Variants in FAM149A observed in about 807,000 individuals in gnomAD.
FAM149A encodes the protein family with sequence similarity 149 member A.
A neutral mutation model predicts 78.2 loss-of-function variants in FAM149A; 71 were observed. The observed-to-expected ratio is 0.91, with a 90% CI of 0.75 to 1.11. The LOEUF is 1.11. FAM149A is among the 50% of genes least tolerant of loss of function. FAM149A has a pLI of 0.00. For missense variants in FAM149A, 1,036 were observed against 971.0 expected (o/e 1.07, Z -0.89); for synonymous variants, 446 against 410.5 (o/e 1.09, Z -1.04).
intron 1 of FAM149A, chr4:186,117,415 T>A: frequency 1.0e-6 from 1 of 983,254 alleles, no homozygotes. Flanking sequence ...GATCCAAGAG[T>A]GGTTTCAGAC....
At chr4:186,125,353 A>G (rs991911940) in intron 1 of FAM149A, 188 of 984,526 alleles carry the variant, frequency 1.9e-4, no homozygotes, top group Admixed American at 3.1e-4. Flanking sequence ...TGCTACACCC[A>G]CATCCCCTGC....
At chr4:186,158,263 C>T in intron 8 of FAM149A, 1 of 1,235,962 alleles carries the variant, frequency 8.1e-7, no homozygotes. Flanking sequence ...GTCTGCTGGT[C>T]CCAGGCGACC....
intron 1 of FAM149A, chr4:186,127,064 G>A (rs1003000825): frequency 1.0e-6 from 1 of 985,252 alleles, no homozygotes; most frequent in African/African-American, 1.7e-5. Flanking sequence ...TACTTCACAG[G>A]CAGAAGTAGT....
intron 10 of FAM149A, 147 bp downstream of exon 10, chr4:186,163,780 T>G: frequency 3.0e-6 from 2 of 661,910 alleles, no homozygotes; most frequent in South Asian, 3.7e-5. Flanking sequence ...CATTTAACAT[T>G]CCGCTTGCTC....
chr4:186,142,619 A>G (rs2099326313), intron 1 of FAM149A, among the ~76,000 whole-genome samples: 1 of 152,126 alleles, frequency 6.6e-6, no homozygotes, highest in South Asian at 2.1e-4. Flanking sequence ...TTGGAGCCCT[A>G]AGCTGCCACG....
chr4:186,136,960 C>CTT (rs2099323163), intron 1 of FAM149A, among the ~76,000 whole-genome samples: 6 of 102,670 alleles, frequency 5.8e-5, no homozygotes, highest in South Asian at 3.3e-4. Flanking sequence ...CTCTCTCTCT[C>CTT]TCTTTCTCTC....
At chr4:186,165,197 C>T (rs1734933114) in intron 10 of FAM149A, 147 bp from the exon 11 acceptor site, 1 of 787,698 alleles carries the variant, frequency 1.3e-6, no homozygotes, top group South Asian at 1.7e-5. Flanking sequence ...TGGGGAGCAT[C>T]CGGATAATAC....
chr4:186,120,162 G>GTCTA (rs1411134683), intron 1 of FAM149A, among the ~76,000 whole-genome samples: 20 of 152,264 alleles, frequency 1.3e-4, no homozygotes, highest in Admixed American at 9.8e-4. Context: ...GTATTTCAGG[G>GTCTA]TCTACTAGAC....
intron 11 of FAM149A, among the ~76,000 whole-genome samples, chr4:186,166,755 A>G (rs934517803): frequency 1.3e-5 from 2 of 149,590 alleles, no homozygotes; most frequent in African/African-American, 2.5e-5. Flanking sequence ...CTCTTTCCCT[A>G]TTATGACACT....
chr4:186,126,135 A>G (rs1295958465), intron 1 of FAM149A: 12 of 979,746 alleles, frequency 1.2e-5, no homozygotes, highest in Non-Finnish European at 1.3e-5. Flanking sequence ...CATTAGTATC[A>G]TATCACTTGC....
At chr4:186,121,022 T>G (rs891742515) in intron 1 of FAM149A, among the ~76,000 whole-genome samples, 5 of 151,436 alleles carry the variant, frequency 3.3e-5, no homozygotes, top group African/African-American at 9.7e-5. Flanking sequence ...AATAATCCAT[T>G]TCAAAGTACA....
chr4:186,166,656 A>AT (rs1735051630), intron 11 of FAM149A, among the ~76,000 whole-genome samples: 1 of 148,196 alleles, frequency 6.7e-6, no homozygotes, highest in South Asian at 2.1e-4. Context: ...GTTTAAAAAA[A>AT]AAAAAAAAAA....
chr4:186,160,150 ACACTACACG>A (rs1734438195), intron 8 of FAM149A, among the ~76,000 whole-genome samples: 1 of 144,658 alleles, frequency 6.9e-6, no homozygotes, highest in Non-Finnish European at 1.5e-5. Context: ...CCACATACAC[ACACTACACG>A]CACACACACC....
intron 13 of FAM149A, among the ~76,000 whole-genome samples, chr4:186,170,588 C>T (rs1035845069): frequency 9.9e-5 from 15 of 152,202 alleles, no homozygotes; most frequent in African/African-American, 3.4e-4. Flanking sequence ...CCAAGGCACT[C>T]GGGACCAGCA....
In FAM149A at chr4:186,110,226, C is replaced by A. The variant is rs79741601; in HGVS notation, c.566+4584C>A. ...TCATGGGTTTCTAATCTTACAACAA[C>A]CCAGGGGCAGTTTAAATGTCTTTCT... On this transcript the variant is annotated intron_variant, in intron 1 of 13. Transcript: ENST00000389354. 1,681 of 985,256 alleles carry A rather than the reference C, an allele frequency of 1.7e-3. 20 individuals are homozygous for A. The African/African-American group carries it at 0.028, about 16-fold the overall frequency. The allele number at this position is 985,256 out of a possible 1,614,324, so 61.0% of individuals were successfully genotyped here.
rs1015535814 is a variant in FAM149A at position 186,144,712 on chromosome 4, G to A, written c.567-4461G>A. The A allele has an allele frequency of 2.9e-5, 16 of 560,652 alleles. No individual in the cohort carries two copies. The highest frequency in any genetic ancestry group is 3.3e-5 in the Non-Finnish European group (15 of 458,124). The allele number at this position is 560,652 out of a possible 1,614,324, so 34.7% of individuals were successfully genotyped here. On this transcript the variant is annotated intron_variant, in intron 1 of 13. Coordinates refer to ENST00000389354, the MANE Select transcript of FAM149A (RefSeq NM_001367768.3). The surrounding 1 kb of genome is among the most constrained non-coding windows in gnomAD (Gnocchi z 4.2). ...GGGAGCGGGGAAGGCGCGCTTTCCC[G>A]GAGGTCGGCGCGGGGCCGGGGCCGG...
chr4:186,163,667 C>G, intron 10 of FAM149A, 34 bp downstream of exon 10: 1 of 1,493,786 alleles, frequency 6.7e-7, no homozygotes, highest in Non-Finnish European at 9.3e-7. Context: ...AAACTAAAGG[C>G]CACGGAGGAC....
chr4:186,144,933 GGGCGCGGGC>G lies in FAM149A; in HGVS notation c.567-4238_567-4230del, dbSNP rs1354871749. 54 of 243,020 alleles carry G rather than the reference GGGCGCGGGC, an allele frequency of 2.2e-4. 1 individual carries two copies. The highest frequency in any genetic ancestry group is 2.4e-4 in the Non-Finnish European group (52 of 214,558). The allele number at this position is 243,020 out of a possible 1,614,324, so 15.1% of individuals were successfully genotyped here. A position where few individuals can be genotyped will look rare whatever the true frequency, so the allele number is the denominator to read the frequency against. Reference sequence around the variant, plus strand: ...GCTGGGCCAGCCGCGCGGCGGGCGCGGGCGCGGGCGCGGGCGCGGGCGCGGGCGGGTGGG... The same window carrying G: ...GCTGGGCCAGCCGCGCGGCGGGCGCGGCGGGCGCGGGCGCGGGCGGGTGGG... On this transcript the variant is annotated intron_variant, in intron 1 of 13. Coordinates refer to ENST00000389354, the MANE Select transcript of FAM149A (RefSeq NM_001367768.3). The surrounding 1 kb of genome is among the most constrained non-coding windows in gnomAD (Gnocchi z 4.2).
chr4:186,136,994 C>CTCTCTCTCTCTCTCTCTCTCTT (rs2099323509), intron 1 of FAM149A, among the ~76,000 whole-genome samples: 1 of 136,462 alleles, frequency 7.3e-6, no homozygotes, highest in Non-Finnish European at 1.6e-5. Flanking sequence ...CTCTCTCTCT[C>CTCTCTCTCTCTCTCTCTCTCTT]TCTCTCTCTC....
Sources: gnomAD v4.1 joint callset for allele counts (sites outside exome capture counted in the v4.1 genomes callset) on GRCh38, gnomAD v4.1.1 for gene constraint, Gnocchi (gnomAD v3.1) non-coding constraint, MANE v1.5 for transcripts, NCBI Gene and HGNC (gene_info 2026-07-23, HGNC 2026-07-21) for gene names.